CDK8: variants seen among roughly 807,000 people sequenced by gnomAD.
CDK8 encodes the protein cyclin dependent kinase 8.
CDK8 carries 29 observed loss-of-function variants against 71.5 expected under a neutral mutation model. The ratio of observed to expected loss-of-function variants is 0.41; its 90% CI spans 0.30 to 0.55. CDK8 has a LOEUF of 0.55. Ranked by LOEUF, CDK8 falls within the 20% of genes least tolerant of loss-of-function variation. The pLI is 0.37. For synonymous variants in CDK8, 161 were observed against 192.1 expected (o/e 0.84, Z 1.34); for missense variants, 288 against 572.6 (o/e 0.50, Z 5.07).
At chr13:26,285,622 G>A (rs1040829418) in intron 1 of CDK8, among the ~76,000 whole-genome samples, 2 of 152,196 alleles carry the variant, frequency 1.3e-5, no homozygotes, top group Non-Finnish European at 2.9e-5. Context: ...ATTCGACATT[G>A]TACTAGAAGT....
intron 1 of CDK8, among the ~76,000 whole-genome samples, chr13:26,256,802 G>A (rs1871544102): frequency 6.6e-6 from 1 of 152,152 alleles, no homozygotes; most frequent in South Asian, 2.1e-4. Context: ...AATCCTTGGA[G>A]TTTGTTTTCC....
intron 6 of CDK8, among the ~76,000 whole-genome samples, chr13:26,391,668 A>C (rs1438780858): frequency 6.6e-6 from 1 of 152,234 alleles, no homozygotes; most frequent in African/African-American, 2.4e-5. Context: ...TCACAAAATA[A>C]TTAATTTTCC....
chr13:26,283,354 A>T (rs534920626), intron 1 of CDK8, among the ~76,000 whole-genome samples: 78 of 152,366 alleles, frequency 5.1e-4, no homozygotes, highest in African/African-American at 1.8e-3. Flanking sequence ...TCATGCCTGT[A>T]ATTCCACCAC....
At chr13:26,274,745 T>A (rs8002532) in intron 1 of CDK8, among the ~76,000 whole-genome samples, 24,591 of 152,026 alleles carry the variant, frequency 0.16, 3,400 homozygotes, top group African/African-American at 0.38. Flanking sequence ...TTTTCTTAAA[T>A]ATTTCTTTTT....
At chr13:26,368,763 T>G (rs1369182354) in intron 4 of CDK8, among the ~76,000 whole-genome samples, 5 of 152,250 alleles carry the variant, frequency 3.3e-5, no homozygotes. Flanking sequence ...GATGTTCCCT[T>G]CTGTGCCTGG....
intron 1 of CDK8, among the ~76,000 whole-genome samples, chr13:26,306,830 T>G (rs1004110354): frequency 2.0e-5 from 3 of 152,064 alleles, no homozygotes; most frequent in Non-Finnish European, 4.4e-5. Context: ...GGTTTCACCA[T>G]GTTGGCCAGG....
intron 4 of CDK8, among the ~76,000 whole-genome samples, chr13:26,369,709 C>CTTTTTTTTTTTTT (rs36116401): frequency 4.2e-5 from 4 of 95,382 alleles, no homozygotes; most frequent in African/African-American, 1.2e-4. Context: ...TTCTTTCTTT[C>CTTTTTTTTTTTTT]TTTTTTTTTT....
At chr13:26,344,256 G>T (rs930220131) in intron 2 of CDK8, among the ~76,000 whole-genome samples, 2 of 152,060 alleles carry the variant, frequency 1.3e-5, no homozygotes, top group African/African-American at 4.8e-5. Context: ...ATATCATTCC[G>T]TGGTGTATAT....
chr13:26,262,735 C>T (rs375937862), intron 1 of CDK8, among the ~76,000 whole-genome samples: 7 of 152,118 alleles, frequency 4.6e-5, no homozygotes, highest in Non-Finnish European at 5.9e-5. Flanking sequence ...TTAAGGAAAA[C>T]GTAATTAGTT....
At chr13:26,269,782 G>T (rs1270146696) in intron 1 of CDK8, among the ~76,000 whole-genome samples, 1 of 151,926 alleles carries the variant, frequency 6.6e-6, no homozygotes, top group Non-Finnish European at 1.5e-5. Context: ...AGTGCAATTA[G>T]GTTTTTTTCT....
chr13:26,304,598 C>T (rs372522423), intron 1 of CDK8, among the ~76,000 whole-genome samples: 1 of 152,002 alleles, frequency 6.6e-6, no homozygotes, highest in Admixed American at 6.6e-5. Context: ...CCATTTACTC[C>T]CCCAGCCCTG....
chr13:26,334,879 C>T (rs918310198), intron 1 of CDK8, among the ~76,000 whole-genome samples: 3 of 152,060 alleles, frequency 2.0e-5, no homozygotes, highest in African/African-American at 7.2e-5. Context: ...AAAATCGGAA[C>T]TCCCCCAGCT....
In CDK8 at chr13:26,387,196, A is replaced by G. The variant is rs201854026; in HGVS notation, c.646+1854A>G. 3.9e-5 allele frequency among the ~76,000 whole-genome samples: 6 copies of G among 152,318 alleles called. No individual in the cohort carries two copies. In the East Asian group the frequency reaches 1.2e-3, roughly 29 times the overall value. On this transcript the variant is annotated intron_variant, in intron 6 of 12. Coordinates refer to ENST00000381527, the MANE Select transcript of CDK8 (RefSeq NM_001260.3). ...GAAAAGCCTACTATCTGTGAAGACA[A>G]TGATAACATTGCTGATTTGTTTGTA...
intron 3 of CDK8, among the ~76,000 whole-genome samples, chr13:26,351,289 A>T (rs1042956871): frequency 1.3e-5 from 2 of 152,106 alleles, no homozygotes; most frequent in African/African-American, 4.8e-5. Flanking sequence ...TGTATACATG[A>T]AATTTTCTCT....
intron 1 of CDK8, among the ~76,000 whole-genome samples, chr13:26,323,820 A>G (rs180849265): frequency 5.3e-5 from 8 of 152,290 alleles, no homozygotes; most frequent in Admixed American, 1.3e-4. Context: ...TTAAGTGCAT[A>G]TACCACAGGT....
Position 26,254,863 on chromosome 13 carries a change from C to A in CDK8, c.128+94C>A. Reference sequence around the variant, plus strand: ...GAGGGAGAGCGGGCCGCCGGGGTGCCGGGCTCTGACTTCCTCGACGCCGGC... The same window carrying A: ...GAGGGAGAGCGGGCCGCCGGGGTGCAGGGCTCTGACTTCCTCGACGCCGGC... On this transcript the variant is annotated intron_variant, in intron 1 of 12. Transcript: ENST00000381527. This position sits in a 1 kb window ranked among gnomAD's most constrained non-coding sequence, Gnocchi z 6.7. 1 of 1,519,890 alleles carries A rather than the reference C, an allele frequency of 6.6e-7. No homozygotes were observed. Among genetic ancestry groups the A allele is most frequent in the South Asian group, 1.2e-5 (1 of 81,666 alleles). 94.2% of individuals were successfully genotyped at this position (1,519,890 alleles called of 1,614,324 possible). A position where few individuals can be genotyped will look rare whatever the true frequency, so the allele number is the denominator to read the frequency against.
chr13:26,361,879 C>G, intron 4 of CDK8, among the ~76,000 whole-genome samples: 1 of 144,086 alleles, frequency 6.9e-6, no homozygotes, highest in East Asian at 2.1e-4. Context: ...ATCGTCCTGC[C>G]TCAGCCTTCC....
chr13:26,364,278 T>C (rs757920655), intron 4 of CDK8, among the ~76,000 whole-genome samples: 23 of 152,216 alleles, frequency 1.5e-4, no homozygotes, highest in East Asian at 3.9e-4. Context: ...AATATGAGAG[T>C]GCATCATATA....
intron 9 of CDK8, among the ~76,000 whole-genome samples, chr13:26,397,808 A>G (rs1233986711): frequency 6.6e-6 from 1 of 152,214 alleles, no homozygotes; most frequent in Admixed American, 6.5e-5. Flanking sequence ...TGATGAAATT[A>G]TATACAGCCA....
Sources: allele counts gnomAD v4.1 joint callset (sites outside exome capture counted in the v4.1 genomes callset), GRCh38; gene constraint gnomAD v4.1.1; non-coding constraint Gnocchi (gnomAD v3.1); transcripts MANE v1.5; gene names NCBI Gene and HGNC (gene_info 2026-07-23, HGNC 2026-07-21).